CACNA1I: variants seen among roughly 807,000 people sequenced by gnomAD.
The protein encoded by CACNA1I is voltage-dependent T-type calcium channel subunit alpha-1I.
A neutral mutation model predicts 201.6 loss-of-function variants in CACNA1I; 74 were observed. The ratio of observed to expected loss-of-function variants is 0.37; its 90% CI spans 0.30 to 0.45. The LOEUF is 0.45. Among genes scored for constraint, CACNA1I ranks in the 20% least tolerant of loss-of-function variants. The pLI is 1.00. For missense variants in CACNA1I, 2,346 were observed against 3,138.1 expected (o/e 0.75, Z 6.03); for synonymous variants, 1,431 against 1,345.2 (o/e 1.06, Z -1.40).
chr22:39,623,826 T>C (rs1379341776), intron 4 of CACNA1I, among the ~76,000 whole-genome samples: 2 of 148,070 alleles, frequency 1.4e-5, no homozygotes, highest in African/African-American at 5.0e-5. Flanking sequence ...CAAGAGTGTG[T>C]GTGTGCCTCT....
At chr22:39,585,621 C>T (rs1191627538) in intron 1 of CACNA1I, among the ~76,000 whole-genome samples, 4 of 145,182 alleles carry the variant, frequency 2.8e-5, no homozygotes, top group South Asian at 2.2e-4. Flanking sequence ...CTGCTAGCCT[C>T]GAGTGATCTG....
At position 39,682,476 on chromosome 22, in the gene CACNA1I, C is replaced by T. The variant is rs1215101534; in HGVS notation, c.5665-20C>T. 1.9e-6 allele frequency: 3 copies of T among 1,610,788 alleles called. No homozygotes were observed. The highest frequency in any genetic ancestry group is 2.5e-6 in the Non-Finnish European group (3 of 1,178,162). Reference sequence around the variant, plus strand: ...TCCCCCTTCCCAGTCCTGCCCCATCCTACCTCCCTTTCCTTGCAGGGTGAG... The same window carrying T: ...TCCCCCTTCCCAGTCCTGCCCCATCTTACCTCCCTTTCCTTGCAGGGTGAG... On this transcript the variant is annotated intron_variant, in intron 34 of 36. Coordinates refer to ENST00000402142, the MANE Select transcript of CACNA1I (RefSeq NM_021096.4).
intron 4 of CACNA1I, among the ~76,000 whole-genome samples, chr22:39,623,613 GGTGTGTGTGCCTGTGT>G (rs1342451358): frequency 1.8e-4 from 27 of 148,334 alleles, no homozygotes; most frequent in Middle Eastern, 3.6e-3. Flanking sequence ...TGCCTGTGAG[GGTGTGTGTGCCTGTGT>G]GTGTGTGTGC....
intron 1 of CACNA1I, among the ~76,000 whole-genome samples, chr22:39,585,727 G>GTTGTT (rs1932730912): frequency 2.4e-5 from 2 of 83,906 alleles, no homozygotes. Flanking sequence ...AACTTTTAAA[G>GTTGTT]TTTTTTTTTT....
rs5995767 is a variant in CACNA1I, at chr22:39,677,103, A to G, written c.4855-238A>G. On this transcript the variant is annotated intron_variant, in intron 29 of 36. Coordinates refer to ENST00000402142, the MANE Select transcript of CACNA1I (RefSeq NM_021096.4). The surrounding 1 kb of genome is among the most constrained non-coding windows in gnomAD (Gnocchi z 4.8). ...ATGAACCTTAAGTGCTGGAAATGGG[A>G]CAGCTTGTGGTAAAGGTGGCACAAG... Among the ~76,000 whole-genome samples the G allele has an allele frequency of 0.032, 4,894 of 152,292 alleles. 279 individuals carry two copies. The highest frequency in any genetic ancestry group is 0.11 in the African/African-American group (4,617 of 41,548).
intron 6 of CACNA1I, among the ~76,000 whole-genome samples, chr22:39,642,450 T>C (rs1265957567): frequency 1.3e-5 from 2 of 151,720 alleles, no homozygotes; most frequent in African/African-American, 4.8e-5. Context: ...AAGAAGCGGC[T>C]GAGACTCAAA....
At position 39,656,641 on chromosome 22, in the gene CACNA1I, GGAATGAATGAAT is replaced by G. The variant is rs112171045; in HGVS notation, c.1993-1490_1993-1479del. The G allele has an allele frequency of 4.6e-4, 236 of 517,660 alleles. No homozygotes were observed. The Middle Eastern group carries it at 7.6e-3, about 17-fold the overall frequency. The allele number at this position is 517,660 out of a possible 1,614,324, so 32.1% of individuals were successfully genotyped here. ...CATTCAAATTTGTGGTAGCCATGCA[GGAATGAATGAAT>G]GAATGAATGAATGAATGAATTTGGC... On this transcript the variant is annotated intron_variant, in intron 10 of 36. Transcript: ENST00000402142.
chr22:39,607,902 G>GGC (rs1028940186), intron 3 of CACNA1I, among the ~76,000 whole-genome samples: 2 of 150,588 alleles, frequency 1.3e-5, no homozygotes, highest in African/African-American at 2.5e-5. Flanking sequence ...AGGCGGGGGG[G>GGC]GGTCACCTGA....
rs1016677138 is a variant in CACNA1I, at chr22:39,649,238, G to A, written c.1568-263G>A. On this transcript the variant is annotated intron_variant, in intron 9 of 36. Transcript: ENST00000402142. The surrounding 1 kb of genome is among the most constrained non-coding windows in gnomAD (Gnocchi z 7.3). ...CGGATGCGCGCCCTGCACCGTGCTG[G>A]GCCCATCATGTGCCTTAAGGGAGAG... Among the ~76,000 whole-genome samples the A allele has an allele frequency of 2.0e-5, 3 of 152,298 alleles. No individual in the cohort carries two copies. The highest frequency in any genetic ancestry group is 7.2e-5 in the African/African-American group (3 of 41,568).
Position 39,689,492 on chromosome 22 carries a change from G to A in CACNA1I, c.*3087G>A, listed in dbSNP as rs184666073. On this transcript the variant is annotated 3_prime_UTR_variant, in exon 37 of 37. Transcript: ENST00000402142. ...TGCAATAATCAGTGTTCCTGGCAGAGCCTGGGCCAAGCTGCAGCCTACTGA... is the reference window on the plus strand; with the variant it reads ...TGCAATAATCAGTGTTCCTGGCAGAACCTGGGCCAAGCTGCAGCCTACTGA... 6.5e-6 allele frequency: 1 copy of A among 152,784 alleles called. No homozygotes were observed. Among genetic ancestry groups the A allele is most frequent in the Non-Finnish European group, 1.5e-5 (1 of 68,138 alleles). 9.5% of individuals were successfully genotyped at this position (152,784 alleles called of 1,614,324 possible). A position where few individuals can be genotyped will look rare whatever the true frequency, so the allele number is the denominator to read the frequency against.
At chr22:39,584,251 G>T (rs1932671858) in intron 1 of CACNA1I, among the ~76,000 whole-genome samples, 1 of 152,202 alleles carries the variant, frequency 6.6e-6, no homozygotes, top group African/African-American at 2.4e-5. Context: ...CGAGATAGAT[G>T]TGGGGCGAGG....
intron 15 of CACNA1I, 67 bp from the exon 16 acceptor site, chr22:39,661,041 C>A: frequency 7.9e-7 from 1 of 1,262,634 alleles, no homozygotes; most frequent in Non-Finnish European, 1.1e-6. Flanking sequence ...TGTCTCGTGG[C>A]TCCCTTGCTG....
In CACNA1I at chr22:39,659,924, G is replaced by A. The variant is rs1184868906; in HGVS notation, c.2604+72G>A. 3.2e-6 allele frequency: 5 copies of A among 1,564,246 alleles called. No individual in the cohort carries two copies. Among genetic ancestry groups the A allele is most frequent in the African/African-American group, 1.4e-5 (1 of 73,864 alleles). On this transcript the variant is annotated intron_variant, in intron 14 of 36. Coordinates refer to ENST00000402142, the MANE Select transcript of CACNA1I (RefSeq NM_021096.4). The surrounding 1 kb of genome is among the most constrained non-coding windows in gnomAD (Gnocchi z 4.3). ...AGACTGGGCGAGGGAGAGGTGGCCT[G>A]GATGGGGGAGGGCTGCAATTCAAAC...
At chr22:39,643,690 C>T (rs1393920641) in intron 7 of CACNA1I, among the ~76,000 whole-genome samples, 2 of 152,226 alleles carry the variant, frequency 1.3e-5, no homozygotes, top group African/African-American at 2.4e-5. Flanking sequence ...CCAGAACAGA[C>T]CAGCAGGTGA....
At position 39,598,279 on chromosome 22, in the gene CACNA1I, G is replaced by GT; in HGVS notation, c.348+17_348+18insT. 1 of 936,138 alleles carries GT rather than the reference G, an allele frequency of 1.1e-6. No individual in the cohort carries two copies. Among genetic ancestry groups the GT allele is most frequent in the Admixed American group, 3.1e-5 (1 of 32,616 alleles). The allele number at this position is 936,138 out of a possible 1,614,324, so 58.0% of individuals were successfully genotyped here. A position where few individuals can be genotyped will look rare whatever the true frequency, so the allele number is the denominator to read the frequency against. On this transcript the variant is annotated intron_variant, in intron 2 of 36. Transcript: ENST00000402142. The stretch of plus-strand genomic sequence containing the variant: ...ATCCTGCAGGTGAGCCGGCCGCCCC[G>GT]CCCCGCCCCGCCCTGCCCTCATCCT...
At chr22:39,623,933 G>A (rs1933827029) in intron 4 of CACNA1I, among the ~76,000 whole-genome samples, 3 of 147,246 alleles carry the variant, frequency 2.0e-5, no homozygotes, top group Middle Eastern at 3.8e-3. Context: ...ACGTGTTTGT[G>A]TGTGTGCCTG....
rs1386047101 is a variant in CACNA1I at position 39,634,558 on chromosome 22, C to T, written c.581-7C>T. 6.2e-7 allele frequency: 1 copy of T among 1,613,828 alleles called. No homozygotes were observed. The highest frequency in any genetic ancestry group is 8.5e-7 in the Non-Finnish European group (1 of 1,179,776). On this transcript the variant is annotated splice_polypyrimidine_tract_variant and splice_region_variant and intron_variant, in intron 4 of 36. Coordinates refer to ENST00000402142, the MANE Select transcript of CACNA1I (RefSeq NM_021096.4). ...TCTGACCATCCCTCCACCTTTTCCCCTCCCAGGTATGCGGATCCTGGTGAA... is the reference window on the plus strand; with the variant it reads ...TCTGACCATCCCTCCACCTTTTCCCTTCCCAGGTATGCGGATCCTGGTGAA...
rs1934157969 is a variant in CACNA1I at position 39,634,630 on chromosome 22, T to G, written c.646T>G (p.Cys216Gly). The G allele has an allele frequency of 6.2e-7, 1 of 1,613,914 alleles. No homozygotes were observed. Among genetic ancestry groups the G allele is most frequent in the Non-Finnish European group, 8.5e-7 (1 of 1,179,894 alleles). The change falls in exon 5 of 37, where the codon TGC becomes GGC. Residue 216 changes from cysteine to glycine, a missense_variant. Cys to Gly is a radical substitution (Grantham distance 159). Transcript: ENST00000402142. ...LPMLGNVLLL[C>G]FFVFFIFGII... is the part of the protein sequence containing the mutation. ...CATGCTGGGGAATGTCCTGCTGCTC[T>G]GCTTCTTTGTCTTCTTCATCTTTGG...
intron 4 of CACNA1I, among the ~76,000 whole-genome samples, chr22:39,626,298 C>T (rs1346991081): frequency 6.6e-6 from 1 of 152,246 alleles, no homozygotes; most frequent in Non-Finnish European, 1.5e-5. Flanking sequence ...GTGTAGAGAG[C>T]TGCGTGCACA....
Sources: allele counts gnomAD v4.1 joint callset (sites outside exome capture counted in the v4.1 genomes callset), GRCh38; gene constraint gnomAD v4.1.1; non-coding constraint Gnocchi (gnomAD v3.1); transcripts MANE v1.5; gene names NCBI Gene and HGNC (gene_info 2026-07-23, HGNC 2026-07-21).